The following AP3D1 variants were observed in gnomAD, a reference collection of about 807,000 sequenced individuals.
AP3D1 encodes AP-3 complex subunit delta-1.
A neutral mutation model predicts 147.6 loss-of-function variants in AP3D1; 51 were observed. That is an observed-to-expected ratio of 0.35 (90% confidence interval 0.28 to 0.44). AP3D1 has a LOEUF of 0.44. Ranked by LOEUF, AP3D1 falls within the 20% of genes least tolerant of loss-of-function variation. AP3D1 has a pLI of 1.00. For missense variants in AP3D1, 1,421 were observed against 1,624.2 expected (o/e 0.87, Z 2.15); for synonymous variants, 760 against 663.0 (o/e 1.15, Z -2.25).
intron 1 of AP3D1, among the ~76,000 whole-genome samples, chr19:2,143,226 C>T (rs2019267447): frequency 1.4e-5 from 2 of 144,560 alleles, no homozygotes; most frequent in Non-Finnish European, 3.0e-5. Flanking sequence ...ACCATGCCTG[C>T]CTAATTTTTT....
chr19:2,129,868 G>A (rs1262266650), intron 6 of AP3D1, among the ~76,000 whole-genome samples: 2 of 152,182 alleles, frequency 1.3e-5, no homozygotes, highest in Non-Finnish European at 2.9e-5. Flanking sequence ...CGGGTCCCGG[G>A]CTTAGGGCTG....
At chr19:2,109,412 T>A in intron 29 of AP3D1, 2 of 641,644 alleles carry the variant, frequency 3.1e-6, no homozygotes, top group Non-Finnish European at 5.1e-6. Flanking sequence ...GACTTGTCTT[T>A]AAAGAGGTCA....
chr19:2,162,061 A>G (rs2019707970), intron 1 of AP3D1, among the ~76,000 whole-genome samples: 1 of 142,260 alleles, frequency 7.0e-6, no homozygotes, highest in African/African-American at 2.6e-5. Context: ...TTTGAGACAC[A>G]GTCTCACTCT....
At position 2,130,550 on chromosome 19, in the gene AP3D1, G is replaced by A. The variant is rs767344864; in HGVS notation, c.463-13C>T. 4.3e-6 allele frequency: 7 copies of A among 1,613,408 alleles called. No individual in the cohort carries two copies. The highest frequency in any genetic ancestry group is 1.7e-5 in the Admixed American group (1 of 59,986). ...TGGTGTGTGACATCTGCGGGGCAGC[G>A]GGCTTCAGCCTGCGCGGGCTTTCTG... On this transcript the variant is annotated splice_polypyrimidine_tract_variant and intron_variant, in intron 5 of 31. Coordinates refer to ENST00000643116, the MANE Select transcript of AP3D1 (RefSeq NM_001261826.3).
chr19:2,103,124 C>T (rs2018005468), intron 31 of AP3D1, among the ~76,000 whole-genome samples: 1 of 151,730 alleles, frequency 6.6e-6, no homozygotes, highest in Admixed American at 6.6e-5. Flanking sequence ...GTTCCTACCT[C>T]AAAAAAATTA....
intron 15 of AP3D1, 42 bp downstream of exon 15, chr19:2,118,559 G>A (rs910936972): frequency 6.4e-7 from 1 of 1,568,842 alleles, no homozygotes; most frequent in Non-Finnish European, 8.7e-7. Context: ...AGGCACTGAG[G>A]GCTCCCTGAG....
chr19:2,102,788 AAAT>A (rs2017995950), intron 31 of AP3D1, among the ~76,000 whole-genome samples: 1 of 150,896 alleles, frequency 6.6e-6, no homozygotes, highest in Admixed American at 6.6e-5. Flanking sequence ...AATAAAATAA[AAAT>A]AAAAAATGTG....
At chr19:2,162,679 A>C (rs2019737592) in intron 1 of AP3D1, among the ~76,000 whole-genome samples, 1 of 116,124 alleles carries the variant, frequency 8.6e-6, no homozygotes, top group Non-Finnish European at 1.9e-5. Context: ...AAACCCCCCC[A>C]CTCAAAAAAA....
intron 16 of AP3D1, 74 bp downstream of exon 16, chr19:2,117,148 C>T (rs1428857759): frequency 1.3e-6 from 2 of 1,499,536 alleles, no homozygotes; most frequent in Non-Finnish European, 1.8e-6. Context: ...GTGCAGGAGC[C>T]CCCGCTGTGC....
intron 1 of AP3D1, among the ~76,000 whole-genome samples, chr19:2,143,397 T>G (rs987400685): frequency 6.6e-6 from 1 of 151,708 alleles, no homozygotes; most frequent in Non-Finnish European, 1.5e-5. Flanking sequence ...CCCGCGACCA[T>G]GCCTGGCTAA....
intron 1 of AP3D1, among the ~76,000 whole-genome samples, chr19:2,142,178 T>G (rs546386391): frequency 9.9e-5 from 15 of 151,970 alleles, no homozygotes; most frequent in Non-Finnish European, 2.1e-4. Context: ...CTACCACGCC[T>G]GGCTAATTTC....
At chr19:2,127,120 C>T in intron 9 of AP3D1, 32 bp downstream of exon 9, 1 of 1,612,056 alleles carries the variant, frequency 6.2e-7, no homozygotes. Context: ...GCAGTGCCAG[C>T]CCTTCCAGAT....
chr19:2,141,528 GTTCAAGTGA>G (rs75493094), intron 1 of AP3D1, among the ~76,000 whole-genome samples: 74,545 of 149,528 alleles, frequency 0.5, 18,594 homozygotes, highest in African/African-American at 0.51. Flanking sequence ...CCGCCTCTCG[GTTCAAGTGA>G]TTCAAGTGAT....
chr19:2,107,732 T>C (rs1599438043), intron 31 of AP3D1, among the ~76,000 whole-genome samples: 1 of 138,630 alleles, frequency 7.2e-6, no homozygotes, highest in Non-Finnish European at 1.5e-5. Flanking sequence ...AGAGCGAGAC[T>C]CCGTCTCAAA....
intron 4 of AP3D1, among the ~76,000 whole-genome samples, chr19:2,135,206 CAAAAT>C (rs942186855): frequency 6.6e-6 from 1 of 150,950 alleles, no homozygotes; most frequent in Non-Finnish European, 1.5e-5. Context: ...ATCTCAAAAA[CAAAAT>C]AAAACAAAAC....
In AP3D1 at chr19:2,130,522, G is replaced by C. The variant is rs1203188486; in HGVS notation, c.478C>G (p.Pro160Ala). The change falls in exon 6 of 32, where the codon CCC becomes GCC. Residue 160 changes from proline (P) to alanine (A), a missense_variant. Around this residue, in one of 6 missense-constraint regions of AP3D1, gnomAD observed 292 missense variants for 412.0 expected, o/e 0.71. Coordinates refer to ENST00000643116, the MANE Select transcript of AP3D1 (RefSeq NM_001261826.3). ...DIMTLMSHTKPYIRKKAVLIM... is the reference protein window; with the variant it reads ...DIMTLMSHTKAYIRKKAVLIM... ...AGCACAGCCTTCTTCCTGATGTAGG[G>C]CTTGGTGTGTGACATCTGCGGGGCA... 6.2e-7 allele frequency: 1 copy of C among 1,614,006 alleles called. No homozygotes were observed. The highest frequency in any genetic ancestry group is 1.1e-5 in the South Asian group (1 of 91,084).
intron 15 of AP3D1, among the ~76,000 whole-genome samples, chr19:2,117,828 C>A (rs1320622827): frequency 6.6e-6 from 1 of 152,248 alleles, no homozygotes; most frequent in Non-Finnish European, 1.5e-5. Flanking sequence ...GAAGCTGGGT[C>A]TCCTCAGCCA....
At chr19:2,145,332 C>T (rs1198985853) in intron 1 of AP3D1, among the ~76,000 whole-genome samples, 3 of 152,218 alleles carry the variant, frequency 2.0e-5, no homozygotes, top group East Asian at 1.9e-4. Flanking sequence ...GGGGTCCCCA[C>T]ATCCCTCCGC....
At position 2,129,168 on chromosome 19, in the gene AP3D1, G is replaced by A. The variant is rs754321744; in HGVS notation, c.733-5C>T. The A allele has an allele frequency of 1.2e-6, 2 of 1,605,800 alleles. No individual in the cohort carries two copies. The highest frequency in any genetic ancestry group is 2.2e-5 in the South Asian group (2 of 89,738). On this transcript the variant is annotated splice_polypyrimidine_tract_variant and splice_region_variant and intron_variant, in intron 7 of 31. Transcript: ENST00000643116. ...CAAAGGAGTAAGAGCACCGAACTGT[G>A]GGGACAGCAGGGCCTCGGTCACCCG...
Sources: gnomAD v4.1 joint callset for allele counts (sites outside exome capture counted in the v4.1 genomes callset) on GRCh38, gnomAD v4.1.1 for gene constraint, gnomAD v4.1.1 regional missense constraint, MANE v1.5 for transcripts, NCBI Gene and HGNC (gene_info 2026-07-23, HGNC 2026-07-21) for gene names.